The following INSR variants were observed in gnomAD, a reference collection of about 807,000 sequenced individuals.
INSR encodes the protein IR.
A neutral mutation model predicts 142.6 loss-of-function variants in INSR; 67 were observed. That is an observed-to-expected ratio of 0.47 (90% CI 0.39 to 0.58). INSR has a LOEUF of 0.58. Among genes scored for constraint, INSR ranks in the 20% least tolerant of loss-of-function variants. The pLI, the probability that INSR is intolerant of heterozygous loss-of-function variation, is 0.00. For synonymous variants in INSR, 756 were observed against 743.1 expected, an observed-to-expected ratio of 1.02 and a Z score of -0.28; for missense variants, 1,248 against 1,833.2, an observed-to-expected ratio of 0.68 and a Z score of 5.83.
chr19:7,181,804 C>G (rs1423743213), intron 3 of INSR, among the ~76,000 whole-genome samples: 1 of 151,010 alleles, frequency 6.6e-6, no homozygotes, highest in African/African-American at 2.4e-5. Context: ...TGACCTTGAA[C>G]TCCTGCCCTC....
intron 2 of INSR, among the ~76,000 whole-genome samples, chr19:7,264,003 C>T (rs1312462809): frequency 1.3e-5 from 2 of 152,100 alleles, no homozygotes; most frequent in Non-Finnish European, 2.9e-5. Flanking sequence ...AATCCCATCT[C>T]TACTAAAAAT....
chr19:7,153,120 ACACACACACCACACAC>A (rs1568449307), intron 9 of INSR, among the ~76,000 whole-genome samples, 193 bp from the exon 10 acceptor site: 168 of 111,570 alleles, frequency 1.5e-3, no homozygotes, highest in Non-Finnish European at 2.4e-3. Context: ...ACACAACCAC[ACACACACACCACACAC>A]CACACACACC....
At chr19:7,235,250 G>A (rs1484802438) in intron 2 of INSR, among the ~76,000 whole-genome samples, 3 of 151,930 alleles carry the variant, frequency 2.0e-5, no homozygotes, top group Non-Finnish European at 2.9e-5. Flanking sequence ...CCTGCAGCTC[G>A]TCCACCCTTT....
intron 2 of INSR, among the ~76,000 whole-genome samples, chr19:7,251,007 C>A (rs1449933943): frequency 6.6e-6 from 1 of 152,026 alleles, no homozygotes; most frequent in Non-Finnish European, 1.5e-5. Context: ...GTGGACCAGG[C>A]TTTCTGCCCC....
chr19:7,193,389 G>C (rs1459585289), intron 2 of INSR, among the ~76,000 whole-genome samples: 1 of 151,710 alleles, frequency 6.6e-6, no homozygotes, highest in Admixed American at 6.6e-5. Flanking sequence ...TCGCGCACCT[G>C]TAGTCTCAGC....
At chr19:7,222,919 A>G (rs1297631149) in intron 2 of INSR, among the ~76,000 whole-genome samples, 1 of 152,156 alleles carries the variant, frequency 6.6e-6, no homozygotes, top group Non-Finnish European at 1.5e-5. Context: ...ACTGTGGCTC[A>G]TGCCTGTAAT....
At chr19:7,221,680 C>T (rs1975622358) in intron 2 of INSR, among the ~76,000 whole-genome samples, 1 of 151,960 alleles carries the variant, frequency 6.6e-6, no homozygotes, top group Admixed American at 6.6e-5. Flanking sequence ...TGCACTCCAG[C>T]CTGGGCTACA....
At chr19:7,251,101 C>T (rs574833445) in intron 2 of INSR, among the ~76,000 whole-genome samples, 5 of 152,078 alleles carry the variant, frequency 3.3e-5, no homozygotes, top group African/African-American at 1.2e-4. Flanking sequence ...GCATCCCTGG[C>T]CTCCATCTGC....
chr19:7,112,429 TTC>T lies in INSR; in HGVS notation c.*4625_*4626del, dbSNP rs1445442680. 20 of 152,238 alleles carry T rather than the reference TTC, an allele frequency of 1.3e-4. No homozygotes were observed. The highest frequency in any genetic ancestry group is 4.3e-4 in the African/African-American group (18 of 41,534). The allele number at this position is 152,238 out of a possible 1,614,324, so 9.4% of individuals were successfully genotyped here. On this transcript the variant is annotated 3_prime_UTR_variant, in exon 22 of 22. Transcript: ENST00000302850. ...ATTGAGCTGTTGGGGGGTTTTGTGT[TTC>T]TGAGTTGTTTTCTGCAAAAGCTGCA...
At chr19:7,290,850 T>C (rs940771267) in intron 1 of INSR, among the ~76,000 whole-genome samples, 2 of 149,836 alleles carry the variant, frequency 1.3e-5, no homozygotes, top group African/African-American at 2.5e-5. Context: ...GGCGGGTGGA[T>C]CACAAGATCA....
chr19:7,215,936 G>A (rs111464783), intron 2 of INSR, among the ~76,000 whole-genome samples: 430 of 151,916 alleles, frequency 2.8e-3, no homozygotes, highest in African/African-American at 9.7e-3. Flanking sequence ...GAACATATTC[G>A]AATCACAAAG....
intron 1 of INSR, among the ~76,000 whole-genome samples, chr19:7,284,841 TCA>T (rs1968305219): frequency 6.6e-6 from 1 of 152,096 alleles, no homozygotes; most frequent in Non-Finnish European, 1.5e-5. Context: ...GTTTTAATCC[TCA>T]GTGTGCAGAT....
chr19:7,189,432 G>C (rs991925462), intron 2 of INSR, among the ~76,000 whole-genome samples: 3 of 152,182 alleles, frequency 2.0e-5, no homozygotes, highest in Non-Finnish European at 2.9e-5. Flanking sequence ...CACAGGAGTT[G>C]GTCAACTTTT....
Position 7,136,011 on chromosome 19 carries a change from T to G in INSR, c.2683-3694A>C, listed in dbSNP as rs959459884. On this transcript the variant is annotated intron_variant, in intron 13 of 21. Coordinates refer to ENST00000302850, the MANE Select transcript of INSR (RefSeq NM_000208.4). ...ATGAAAGAAATGCCAAACTCTTTCC[T>G]AAAGCAGCTGTGCCATTTTATGTTC... Among the ~76,000 whole-genome samples the G allele has an allele frequency of 5.3e-5, 8 of 151,520 alleles. No individual in the cohort carries two copies. In the East Asian group the frequency reaches 1.6e-3, roughly 30 times the overall value.
At chr19:7,124,272 G>A (rs1031637127) in intron 17 of INSR, among the ~76,000 whole-genome samples, 2 of 151,258 alleles carry the variant, frequency 1.3e-5, no homozygotes, top group African/African-American at 4.9e-5. Context: ...GGGAGGCTGA[G>A]GCAGGATAAT....
At chr19:7,229,295 A>C (rs1600063203) in intron 2 of INSR, among the ~76,000 whole-genome samples, 1 of 105,632 alleles carries the variant, frequency 9.5e-6, no homozygotes, top group East Asian at 3.9e-4. Flanking sequence ...AAGTGGATGG[A>C]GGGATGATGG....
intron 1 of INSR, among the ~76,000 whole-genome samples, chr19:7,277,425 G>C (rs564029823): frequency 6.6e-6 from 1 of 152,088 alleles, no homozygotes; most frequent in East Asian, 1.9e-4. Context: ...CACTCTTACA[G>C]CAAGTAAAGG....
At chr19:7,276,253 C>A (rs1037507384) in intron 1 of INSR, among the ~76,000 whole-genome samples, 2 of 151,942 alleles carry the variant, frequency 1.3e-5, no homozygotes, top group Non-Finnish European at 2.9e-5. Context: ...TCAAGTGATC[C>A]TCCTGCCTCA....
rs942208723 is a variant in INSR at position 7,215,778 on chromosome 19, T to A, written c.653-31141A>T. Reference sequence around the variant, plus strand: ...GAGACAGGGTTTTACCATGTTGGCCTGGCTGGTCTCAAACTCCTGACCTCA... The same window carrying A: ...GAGACAGGGTTTTACCATGTTGGCCAGGCTGGTCTCAAACTCCTGACCTCA... On this transcript the variant is annotated intron_variant, in intron 2 of 21. Coordinates refer to ENST00000302850, the MANE Select transcript of INSR (RefSeq NM_000208.4). Among the ~76,000 whole-genome samples the A allele has an allele frequency of 4.6e-5, 7 of 151,712 alleles. No individual in the cohort carries two copies. The South Asian group carries it at 1.2e-3, about 27-fold the overall frequency.
Sources: gnomAD v4.1 joint callset for allele counts (sites outside exome capture counted in the v4.1 genomes callset) on GRCh38, gnomAD v4.1.1 for gene constraint, MANE v1.5 for transcripts, NCBI Gene and HGNC (gene_info 2026-07-23, HGNC 2026-07-21) for gene names.